DOCK8: variants seen among roughly 807,000 people sequenced by gnomAD.
The protein encoded by DOCK8 is dedicator of cytokinesis 8.
DOCK8 carries 141 observed loss-of-function variants against 245.6 expected under a neutral mutation model. That is an observed-to-expected ratio of 0.57 (90% CI 0.50 to 0.66). The LOEUF (loss-of-function observed/expected upper bound fraction) is 0.66, where lower values mean the gene tolerates loss of function less well. Among genes scored for constraint, DOCK8 ranks in the 30% least tolerant of loss-of-function variants. The pLI, the probability that DOCK8 is intolerant of heterozygous loss-of-function variation, is 0.00. For synonymous variants in DOCK8, 1,168 were observed against 970.2 expected, an observed-to-expected ratio of 1.20 and a Z score of -3.79; for missense variants, 2,965 against 2,603.4, an observed-to-expected ratio of 1.14 and a Z score of -3.02.
chr9:359,853 T>G (rs1563962430), intron 14 of DOCK8, among the ~76,000 whole-genome samples: 1 of 144,166 alleles, frequency 6.9e-6, no homozygotes, highest in Non-Finnish European at 1.5e-5. Context: ...AAAACACAAA[T>G]GAAGAAAAAG....
In DOCK8 at chr9:227,971, A is replaced by G. The variant is rs1358014550; in HGVS notation, c.53+12942A>G. 2.6e-5 allele frequency among the ~76,000 whole-genome samples: 4 copies of G among 152,168 alleles called. No individual in the cohort carries two copies. The East Asian group carries it at 7.7e-4, about 29-fold the overall frequency. On this transcript the variant is annotated intron_variant, in intron 1 of 47. Transcript: ENST00000432829. ...TGCCAAATTATGAGGGCAAAGAGCC[A>G]TTGGATTTACCCTGAAGGTGGTCAT...
chr9:326,412 TAAAGCAGTAGTTCTC>T (rs2050770307), intron 8 of DOCK8, among the ~76,000 whole-genome samples: 1 of 152,168 alleles, frequency 6.6e-6, no homozygotes, highest in African/African-American at 2.4e-5. Context: ...CTCAGTGGTT[TAAAGCAGTAGTTCTC>T]AAACTTGAGC....
At chr9:287,651 C>G (rs1234208508) in intron 3 of DOCK8, among the ~76,000 whole-genome samples, 1 of 152,170 alleles carries the variant, frequency 6.6e-6, no homozygotes, top group Non-Finnish European at 1.5e-5. Context: ...GAGAACTGAC[C>G]ATATGTGTAG....
At chr9:409,321 A>G (rs935630133) in intron 28 of DOCK8, among the ~76,000 whole-genome samples, 2 of 152,198 alleles carry the variant, frequency 1.3e-5, no homozygotes, top group Non-Finnish European at 2.9e-5. Context: ...GCATTTAGAA[A>G]TTGTCTATCA....
rs1471369678 is a variant in DOCK8 at position 215,510 on chromosome 9, C to G, written c.53+481C>G. 5.1e-6 allele frequency: 7 copies of G among 1,373,074 alleles called. No homozygotes were observed. In the South Asian group the frequency reaches 8.7e-5, roughly 17 times the overall value. 85.1% of individuals were successfully genotyped at this position (1,373,074 alleles called of 1,614,324 possible). ...GCCTTCTGTCGTCCTGAGCAAGGCTCCGTCCTCGCCTGCTTCATTATTCCA... is the reference window on the plus strand; with the variant it reads ...GCCTTCTGTCGTCCTGAGCAAGGCTGCGTCCTCGCCTGCTTCATTATTCCA... On this transcript the variant is annotated intron_variant, in intron 1 of 47. Coordinates refer to ENST00000432829, the MANE Select transcript of DOCK8 (RefSeq NM_203447.4).
chr9:220,093 G>A (rs1245514310), intron 1 of DOCK8, among the ~76,000 whole-genome samples: 1 of 152,228 alleles, frequency 6.6e-6, no homozygotes, highest in Non-Finnish European at 1.5e-5. Context: ...GGCTGGCAGA[G>A]TGAGGTAGTG....
At chr9:437,613 G>A (rs1486030466) in intron 39 of DOCK8, among the ~76,000 whole-genome samples, 3 of 152,202 alleles carry the variant, frequency 2.0e-5, no homozygotes, top group Non-Finnish European at 4.4e-5. Context: ...GATGTCCAGT[G>A]TTGATTTTGC....
intron 14 of DOCK8, among the ~76,000 whole-genome samples, chr9:366,761 C>A (rs1469857599): frequency 6.6e-6 from 1 of 152,176 alleles, no homozygotes; most frequent in African/African-American, 2.4e-5. Context: ...TTGCTCAACG[C>A]CCCCTACCTT....
At chr9:334,049 C>A (rs199957813) in intron 10 of DOCK8, among the ~76,000 whole-genome samples, 176 bp from the exon 11 acceptor site, 1 of 117,044 alleles carries the variant, frequency 8.5e-6, no homozygotes, top group African/African-American at 3.2e-5. Context: ...TCAGCTAGAC[C>A]CAAGTGCATC....
chr9:404,656 A>C (rs2055329251), intron 26 of DOCK8, among the ~76,000 whole-genome samples: 1 of 152,192 alleles, frequency 6.6e-6, no homozygotes, highest in African/African-American at 2.4e-5. Flanking sequence ...CATGGTATTA[A>C]AGATTTGATA....
intron 20 of DOCK8, among the ~76,000 whole-genome samples, 181 bp from the exon 21 acceptor site, chr9:379,590 G>A (rs964374411): frequency 3.3e-5 from 5 of 152,206 alleles, no homozygotes; most frequent in African/African-American, 7.2e-5. Context: ...AAGAGGGAAT[G>A]TGGAGGCATC....
At chr9:451,014 G>A (rs7857476) in intron 45 of DOCK8, among the ~76,000 whole-genome samples, 117,364 of 151,894 alleles carry the variant, frequency 0.77, 46,003 homozygotes, top group East Asian at 0.99. Flanking sequence ...GTATTTGATT[G>A]ATAAAATAAT....
intron 22 of DOCK8, among the ~76,000 whole-genome samples, chr9:383,079 TC>T (rs33911070): frequency 0.87 from 131,963 of 152,176 alleles, 57,697 homozygotes; most frequent in South Asian, 0.96. Context: ...TTCATTAACA[TC>T]CACAGATTGA....
intron 2 of DOCK8, among the ~76,000 whole-genome samples, chr9:274,093 T>A (rs2048247827): frequency 6.6e-6 from 1 of 152,234 alleles, no homozygotes; most frequent in Non-Finnish European, 1.5e-5. Flanking sequence ...TAATGCTTAA[T>A]ATCTGTAAGC....
upstream of DOCK8, chr9:214,160 T>G (rs908036766): frequency 4.2e-5 from 13 of 307,074 alleles, no homozygotes; most frequent in Non-Finnish European, 7.3e-5. Flanking sequence ...CCGTCAACAC[T>G]GGGACTTTTC....
At chr9:222,980 C>T (rs1415916544) in intron 1 of DOCK8, among the ~76,000 whole-genome samples, 2 of 152,042 alleles carry the variant, frequency 1.3e-5, no homozygotes, top group African/African-American at 4.8e-5. Context: ...TTACATAACT[C>T]ATTGTATGTG....
At chr9:355,739 C>A (rs1161158117) in intron 14 of DOCK8, among the ~76,000 whole-genome samples, 2 of 152,084 alleles carry the variant, frequency 1.3e-5, no homozygotes, top group African/African-American at 4.8e-5. Context: ...GGAATGGATT[C>A]ATTTCTCCTC....
intron 1 of DOCK8, among the ~76,000 whole-genome samples, chr9:241,330 C>T (rs371912713): frequency 6.6e-6 from 1 of 152,134 alleles, no homozygotes; most frequent in Non-Finnish European, 1.5e-5. Context: ...ACGTATTCCT[C>T]CTATGTAGCT....
In DOCK8 at chr9:286,565, T is replaced by C. The variant is rs918425479; in HGVS notation, c.261T>C (p.Thr87=). 8 of 1,613,858 alleles carry C rather than the reference T, an allele frequency of 5.0e-6. No individual in the cohort carries two copies. The highest frequency in any genetic ancestry group is 6.8e-6 in the Non-Finnish European group (8 of 1,179,942). The part of the protein sequence containing the change: ...VQLAQELGDF[T]DDDLDVVFTP... ...TTGCCCAGGAGCTCGGGGACTTCAC[T>C]GATGACGACTTGGACGTGGTGTTCA... The change falls in exon 3 of 48, where the codon ACT becomes ACC. Residue 87 remains threonine (T), a synonymous_variant. Coordinates refer to ENST00000432829, the MANE Select transcript of DOCK8 (RefSeq NM_203447.4).
Sources: allele counts gnomAD v4.1 joint callset (sites outside exome capture counted in the v4.1 genomes callset), GRCh38; gene constraint gnomAD v4.1.1; transcripts MANE v1.5; gene names NCBI Gene and HGNC (gene_info 2026-07-23, HGNC 2026-07-21).